Variants in FOXN3 observed in about 807,000 individuals in gnomAD.
The protein encoded by FOXN3 is forkhead box protein N3.
Under a neutral mutation model 38.4 loss-of-function variants are expected in FOXN3, and 7 were observed. The ratio of observed to expected loss-of-function variants is 0.18; its 90% CI spans 0.10 to 0.34. The LOEUF is 0.34. Ranked by LOEUF, FOXN3 falls within the 10% of genes least tolerant of loss-of-function variation. The pLI is 1.00. For synonymous variants in FOXN3, 230 were observed against 242.2 expected (o/e 0.95, Z 0.47); for missense variants, 456 against 613.4 (o/e 0.74, Z 2.71).
chr14:89,497,624 A>C (rs944851332), intron 1 of FOXN3, among the ~76,000 whole-genome samples: 1 of 151,586 alleles, frequency 6.6e-6, no homozygotes, highest in African/African-American at 2.4e-5. Flanking sequence ...GCTGGTCTCG[A>C]ACTCCTGACC....
chr14:89,518,481 A>G (rs1053369306), intron 1 of FOXN3, among the ~76,000 whole-genome samples: 1 of 152,178 alleles, frequency 6.6e-6, no homozygotes, highest in Non-Finnish European at 1.5e-5. Flanking sequence ...CAGAATTGGG[A>G]TTTAGAGAAT....
intron 2 of FOXN3, among the ~76,000 whole-genome samples, chr14:89,384,733 C>CCAG (rs1364865860): frequency 6.6e-6 from 1 of 151,938 alleles, no homozygotes; most frequent in Admixed American, 6.6e-5. Context: ...GGGACATGAC[C>CCAG]CAGCCTGAGC....
chr14:89,461,076 GTAATCCC>G (rs1892838072), intron 1 of FOXN3, among the ~76,000 whole-genome samples: 1 of 151,416 alleles, frequency 6.6e-6, no homozygotes, highest in East Asian at 1.9e-4. Context: ...GCTCACACCT[GTAATCCC>G]AGCACTTTGG....
At chr14:89,378,386 G>A (rs1432179535) in intron 2 of FOXN3, among the ~76,000 whole-genome samples, 1 of 152,204 alleles carries the variant, frequency 6.6e-6, no homozygotes, top group Non-Finnish European at 1.5e-5. Context: ...TTCTCTCAGA[G>A]CCAGACAGGT....
intron 3 of FOXN3, among the ~76,000 whole-genome samples, chr14:89,348,107 T>C (rs1329426879): frequency 1.3e-5 from 2 of 151,910 alleles, no homozygotes; most frequent in Non-Finnish European, 2.9e-5. Flanking sequence ...AGAGTGACAT[T>C]TGCCAAGCAC....
chr14:89,617,451 C>T (rs1392092182), intron 1 of FOXN3, among the ~76,000 whole-genome samples: 1 of 152,244 alleles, frequency 6.6e-6, no homozygotes, highest in Admixed American at 6.5e-5. Context: ...TTTCCTTTCA[C>T]TGTCACAGTT....
At chr14:89,537,366 A>G (rs912484471) in intron 1 of FOXN3, among the ~76,000 whole-genome samples, 2 of 152,006 alleles carry the variant, frequency 1.3e-5, no homozygotes, top group Non-Finnish European at 2.9e-5. Flanking sequence ...AACCTAGAGG[A>G]GTCTATGGAA....
At chr14:89,508,654 G>A (rs1176740081) in intron 1 of FOXN3, among the ~76,000 whole-genome samples, 1 of 152,166 alleles carries the variant, frequency 6.6e-6, no homozygotes, top group Non-Finnish European at 1.5e-5. Flanking sequence ...AGCCCCCAGG[G>A]CTTCTGATGC....
At chr14:89,274,021 C>T (rs1596146415) in intron 4 of FOXN3, among the ~76,000 whole-genome samples, 1 of 152,226 alleles carries the variant, frequency 6.6e-6, no homozygotes, top group East Asian at 1.9e-4. Flanking sequence ...GGTGGATGCC[C>T]TCCTTTGCAA....
intron 2 of FOXN3, among the ~76,000 whole-genome samples, chr14:89,393,816 G>A (rs1891025109): frequency 6.6e-6 from 1 of 152,226 alleles, no homozygotes; most frequent in African/African-American, 2.4e-5. Context: ...AAAAGTAGAG[G>A]AGAAAGAGCC....
intron 1 of FOXN3, among the ~76,000 whole-genome samples, chr14:89,616,171 G>C (rs76293786): frequency 1.3e-5 from 2 of 151,972 alleles, no homozygotes; most frequent in East Asian, 3.9e-4. Flanking sequence ...CAGGGCCTCT[G>C]GTTATTTTTT....
intron 4 of FOXN3, among the ~76,000 whole-genome samples, chr14:89,219,395 G>T (rs901038539): frequency 1.3e-5 from 2 of 152,132 alleles, no homozygotes; most frequent in African/African-American, 4.8e-5. Context: ...ATTACCCAAC[G>T]TCAGGTATGT....
intron 2 of FOXN3, among the ~76,000 whole-genome samples, chr14:89,352,907 TGAA>T (rs764291011): frequency 3.2e-4 from 48 of 152,328 alleles, no homozygotes; most frequent in Non-Finnish European, 5.3e-4. Context: ...CTAAGCAGAT[TGAA>T]CCCAGGAGCC....
intron 1 of FOXN3, among the ~76,000 whole-genome samples, chr14:89,571,510 CAA>C (rs771337347): frequency 5.6e-5 from 4 of 71,432 alleles, no homozygotes; most frequent in African/African-American, 4.4e-5. Flanking sequence ...CTCTGTCTCA[CAA>C]AAAAAAAAAA....
intron 4 of FOXN3, among the ~76,000 whole-genome samples, chr14:89,227,882 G>A (rs1438003140): frequency 1.3e-5 from 2 of 152,134 alleles, no homozygotes; most frequent in Non-Finnish European, 2.9e-5. Context: ...TGCAAGGCAC[G>A]GAATTCGGCC....
rs190272633 is a variant in FOXN3, at chr14:89,172,334, G to A, written c.851+8367C>T. ...CTCCCGGGCTTTAAGCAACCCTCCC[G>A]CCTCAGCCTCCTGAGTAGCTGGGAC... On this transcript the variant is annotated intron_variant, in intron 5 of 5. Coordinates refer to ENST00000557258, the MANE Select transcript of FOXN3 (RefSeq NM_005197.4). Among the ~76,000 whole-genome samples, 175 of 152,232 alleles carry A rather than the reference G, an allele frequency of 1.1e-3. 1 individual carries two copies. The highest frequency in any genetic ancestry group is 4.0e-3 in the African/African-American group (166 of 41,536).
intron 1 of FOXN3, among the ~76,000 whole-genome samples, chr14:89,542,718 T>C (rs1032276322): frequency 7.9e-5 from 12 of 152,248 alleles, no homozygotes; most frequent in African/African-American, 2.4e-4. Context: ...GAGATGCAAG[T>C]GCCATTTCAT....
chr14:89,490,518 G>A (rs759269000), intron 1 of FOXN3, among the ~76,000 whole-genome samples: 18 of 152,278 alleles, frequency 1.2e-4, no homozygotes, highest in Non-Finnish European at 1.8e-4. Context: ...CAACTCTCTC[G>A]CTTTGAAGAA....
intron 1 of FOXN3, among the ~76,000 whole-genome samples, chr14:89,578,507 C>T (rs1475818009): frequency 1.3e-5 from 2 of 152,196 alleles, no homozygotes; most frequent in Non-Finnish European, 2.9e-5. Flanking sequence ...CTCCCTGACA[C>T]GTGCAACAGG....
Sources: gnomAD v4.1 joint callset for allele counts (sites outside exome capture counted in the v4.1 genomes callset) on GRCh38, gnomAD v4.1.1 for gene constraint, MANE v1.5 for transcripts, NCBI Gene and HGNC (gene_info 2026-07-23, HGNC 2026-07-21) for gene names.